VDR: variants seen among roughly 807,000 people sequenced by gnomAD.
VDR encodes vitamin D receptor, also known as vitamin D3 receptor.
Under a neutral mutation model 39.7 loss-of-function variants are expected in VDR, and 19 were observed. That is an observed-to-expected ratio of 0.48 (90% confidence interval 0.33 to 0.70). The LOEUF is 0.70. VDR is among the 30% of genes least tolerant of loss of function. The probability of loss-of-function intolerance (pLI) is 0.02; values close to 1 mark genes in which losing one functional copy is unlikely to be tolerated. For missense variants in VDR, 442 were observed against 570.5 expected (o/e 0.77, Z 2.29); for synonymous variants, 242 against 215.8 (o/e 1.12, Z -1.07).
chr12:47,871,471 T>A (rs1345356284), intron 3 of VDR, among the ~76,000 whole-genome samples: 1 of 150,320 alleles, frequency 6.7e-6, no homozygotes, highest in Non-Finnish European at 1.5e-5. Context: ...TCTTTCTTTT[T>A]TTTTTTTTTC....
At chr12:47,895,733 T>C (rs1417474187) in intron 1 of VDR, among the ~76,000 whole-genome samples, 1 of 152,200 alleles carries the variant, frequency 6.6e-6, no homozygotes, top group Non-Finnish European at 1.5e-5. Context: ...TTAAATTGGC[T>C]GTCAATGTTT....
chr12:47,866,139 G>T (rs918687828), intron 3 of VDR, among the ~76,000 whole-genome samples: 5 of 149,984 alleles, frequency 3.3e-5, no homozygotes, highest in East Asian at 2.0e-4. Flanking sequence ...ATGGAGTCTC[G>T]CTCTGTCGCC....
intron 1 of VDR, among the ~76,000 whole-genome samples, chr12:47,900,908 T>C (rs992813136): frequency 6.6e-6 from 1 of 152,212 alleles, no homozygotes; most frequent in African/African-American, 2.4e-5. Context: ...GGACTTTGTA[T>C]GGCATCTGGT....
At position 47,843,178 on chromosome 12, in the gene VDR, A is replaced by C. The variant is rs1417376659; in HGVS notation, c.*1568T>G. 1 of 152,274 alleles carries C rather than the reference A, an allele frequency of 6.6e-6. No homozygotes were observed. 9.4% of individuals were successfully genotyped at this position (152,274 alleles called of 1,614,324 possible). A position where few individuals can be genotyped will look rare whatever the true frequency, so the allele number is the denominator to read the frequency against. ...TGGCTTTCAGATGTTTTTCCACCTG[A>C]AGAATTCTGAGAGACATGGGGCCAG... On this transcript the variant is annotated 3_prime_UTR_variant, in exon 10 of 10. Coordinates refer to ENST00000549336, the MANE Select transcript of VDR (RefSeq NM_000376.3).
chr12:47,900,750 C>T (rs141080384), intron 1 of VDR, among the ~76,000 whole-genome samples: 240 of 152,274 alleles, frequency 1.6e-3, no homozygotes, highest in African/African-American at 5.4e-3. Context: ...TTGCATAACA[C>T]CTCCAAGCTC....
chr12:47,877,682 TG>T, intron 3 of VDR, among the ~76,000 whole-genome samples: 1 of 152,276 alleles, frequency 6.6e-6, no homozygotes, highest in South Asian at 2.1e-4. Context: ...AGGGTCCATG[TG>T]TCACCTGGGA....
At chr12:47,860,335 C>T (rs1393084871) in intron 4 of VDR, among the ~76,000 whole-genome samples, 3 of 152,172 alleles carry the variant, frequency 2.0e-5, no homozygotes, top group Non-Finnish European at 4.4e-5. Flanking sequence ...GTGGTGTCTG[C>T]TCAATAGTCT....
At chr12:47,879,181 G>C in intron 2 of VDR, 66 bp from the exon 3 acceptor site, 1 of 1,573,646 alleles carries the variant, frequency 6.4e-7, no homozygotes, top group Non-Finnish European at 8.6e-7. Flanking sequence ...TGGCATCCTT[G>C]GTGCCACCCA....
intron 3 of VDR, among the ~76,000 whole-genome samples, chr12:47,873,830 T>C (rs1945942550): frequency 6.6e-6 from 1 of 152,174 alleles, no homozygotes; most frequent in Non-Finnish European, 1.5e-5. Context: ...TCCAGGAGCA[T>C]GAAGCAGAGG....
intron 3 of VDR, among the ~76,000 whole-genome samples, chr12:47,870,034 C>T (rs758782697): frequency 7.9e-5 from 12 of 152,214 alleles, no homozygotes; most frequent in South Asian, 2.1e-4. Context: ...AGCGTGGGGT[C>T]AGTGTTCAGG....
In VDR at chr12:47,844,609, G is replaced by T. The variant is rs1267294460; in HGVS notation, c.*137C>A. Reference sequence around the variant, plus strand: ...TTGGACAGGAGAGAGAATGGGCTGGGTGGATAGGGGAGGTGGCAGAGGAGG... The same window carrying T: ...TTGGACAGGAGAGAGAATGGGCTGGTTGGATAGGGGAGGTGGCAGAGGAGG... On this transcript the variant is annotated 3_prime_UTR_variant, in exon 10 of 10. Transcript: ENST00000549336. 3.3e-6 allele frequency: 4 copies of T among 1,195,764 alleles called. No individual in the cohort carries two copies. Among genetic ancestry groups the T allele is most frequent in the Non-Finnish European group, 4.8e-6 (4 of 840,606 alleles). 74.1% of individuals were successfully genotyped at this position (1,195,764 alleles called of 1,614,324 possible).
intron 7 of VDR, among the ~76,000 whole-genome samples, chr12:47,847,577 C>CT (rs796273226): frequency 2.3e-4 from 34 of 149,502 alleles, no homozygotes; most frequent in East Asian, 1.8e-3. Context: ...CTCACTGTGC[C>CT]TTTTTTTTTT....
chr12:47,861,829 C>T (rs1479239633), intron 4 of VDR, among the ~76,000 whole-genome samples: 3 of 152,138 alleles, frequency 2.0e-5, no homozygotes, highest in African/African-American at 7.2e-5. Flanking sequence ...CTTAACGAAG[C>T]CAAGATCTGC....
intron 1 of VDR, among the ~76,000 whole-genome samples, chr12:47,902,190 A>G (rs1171850530): frequency 6.6e-6 from 1 of 152,208 alleles, no homozygotes; most frequent in Non-Finnish European, 1.5e-5. Context: ...CATGCATGGC[A>G]TCCCCTTTCA....
chr12:47,878,168 C>T (rs572694411), intron 3 of VDR, among the ~76,000 whole-genome samples: 27 of 152,308 alleles, frequency 1.8e-4, no homozygotes, highest in Middle Eastern at 3.4e-3. Context: ...CAGTCTAGAC[C>T]GCTAGACAGA....
chr12:47,882,944 G>A lies in VDR; in HGVS notation c.-83-170C>T, dbSNP rs531192389. The A allele has an allele frequency of 1.8e-5, 10 of 554,898 alleles. No homozygotes were observed. The Middle Eastern group carries it at 2.6e-3, about 143-fold the overall frequency. The allele number at this position is 554,898 out of a possible 1,614,324, so 34.4% of individuals were successfully genotyped here. A position where few individuals can be genotyped will look rare whatever the true frequency, so the allele number is the denominator to read the frequency against. ...AGGCATGCCATGTCATCGCTGGCAG[G>A]GGTGTGGGGGTGGCGGCTGGGCAGC... On this transcript the variant is annotated intron_variant, in intron 1 of 9. Coordinates refer to ENST00000549336, the MANE Select transcript of VDR (RefSeq NM_000376.3).
At chr12:47,862,428 T>C (rs184410222) in intron 4 of VDR, among the ~76,000 whole-genome samples, 1 of 152,256 alleles carries the variant, frequency 6.6e-6, no homozygotes, top group African/African-American at 2.4e-5. Context: ...CATCATCTTA[T>C]TAGCTGAGAG....
At position 47,889,291 on chromosome 12, in the gene VDR, C is replaced by T. The variant is rs567844066; in HGVS notation, c.-83-6517G>A. The stretch of plus-strand genomic sequence containing the variant: ...ATCGCCTGCCTGAGCAGCTTCAGGG[C>T]GAGGATGTGGTGTGGGGTAGGAATG... On this transcript the variant is annotated intron_variant, in intron 1 of 9. Coordinates refer to ENST00000549336, the MANE Select transcript of VDR (RefSeq NM_000376.3). Among the ~76,000 whole-genome samples, 7 of 152,182 alleles carry T rather than the reference C, an allele frequency of 4.6e-5. No individual in the cohort carries two copies. In the South Asian group the frequency reaches 8.3e-4, roughly 18 times the overall value.
chr12:47,865,040 C>T lies in VDR; in HGVS notation c.277+7G>A. 1 of 1,612,936 alleles carries T rather than the reference C, an allele frequency of 6.2e-7. No homozygotes were observed. The highest frequency in any genetic ancestry group is 8.5e-7 in the Non-Finnish European group (1 of 1,179,048). ...GCCCAAACCCTGCCCAGCCCCTGGA[C>T]ACTCACACTCCTTCATCATGCCGAT... is the stretch of plus-strand genomic sequence containing the variant. On this transcript the variant is annotated splice_region_variant and intron_variant, in intron 4 of 9. Transcript: ENST00000549336.
Sources: allele counts gnomAD v4.1 joint callset (sites outside exome capture counted in the v4.1 genomes callset), GRCh38; gene constraint gnomAD v4.1.1; transcripts MANE v1.5; gene names NCBI Gene and HGNC (gene_info 2026-07-23, HGNC 2026-07-21).